Variants in SETBP1 observed in about 807,000 individuals in gnomAD.
SETBP1 encodes the protein SET binding protein 1, also known as SET-binding protein.
SETBP1 carries 9 observed loss-of-function variants against 101.0 expected under a neutral mutation model. That is an observed-to-expected ratio of 0.09 (90% CI 0.05 to 0.16). The LOEUF (loss-of-function observed/expected upper bound fraction) is 0.16. Among genes scored for constraint, SETBP1 ranks in the 10% least tolerant of loss-of-function variants. The pLI is 1.00. For missense variants in SETBP1, 1,858 were observed against 2,033.8 expected, an observed-to-expected ratio of 0.91 and a Z score of 1.66; for synonymous variants, 818 against 788.5, an observed-to-expected ratio of 1.04 and a Z score of -0.63.
chr18:44,909,956 ATTTCT>A (rs1407499526), intron 3 of SETBP1, among the ~76,000 whole-genome samples: 1 of 152,156 alleles, frequency 6.6e-6, no homozygotes, highest in East Asian at 1.9e-4. Context: ...GCCTAATTTC[ATTTCT>A]TCAAGGAAGC....
At chr18:45,009,035 C>T (rs1161722194) in intron 4 of SETBP1, among the ~76,000 whole-genome samples, 4 of 152,168 alleles carry the variant, frequency 2.6e-5, no homozygotes, top group Non-Finnish European at 5.9e-5. Flanking sequence ...CCACCGTGTG[C>T]TGTGGTGGCA....
chr18:45,028,387 C>T (rs1230159120), intron 4 of SETBP1, among the ~76,000 whole-genome samples: 1 of 152,048 alleles, frequency 6.6e-6, no homozygotes, highest in Admixed American at 6.6e-5. Flanking sequence ...ATATGTGCCA[C>T]ATTTTCTTAA....
At chr18:44,695,134 C>T (rs1286081600) in intron 1 of SETBP1, among the ~76,000 whole-genome samples, 2 of 151,612 alleles carry the variant, frequency 1.3e-5, no homozygotes, top group African/African-American at 4.9e-5. Flanking sequence ...TCCCACAAGG[C>T]AAAAGAAGGA....
At chr18:44,977,320 A>G (rs540602378) in intron 4 of SETBP1, among the ~76,000 whole-genome samples, 1 of 152,350 alleles carries the variant, frequency 6.6e-6, no homozygotes, top group East Asian at 1.9e-4. Flanking sequence ...AAAGGAGCAA[A>G]GAAGGGAGAG....
chr18:44,869,233 C>A lies in SETBP1; in HGVS notation c.490C>A (p.Leu164Ile). The A allele has an allele frequency of 6.2e-7, 1 of 1,614,062 alleles. No homozygotes were observed. The highest frequency in any genetic ancestry group is 8.5e-7 in the Non-Finnish European group (1 of 1,179,978). Residue 164 changes from leucine (L) to isoleucine (I), a missense_variant, in exon 3 of 6, where the codon CTC becomes ATC. Coordinates refer to ENST00000649279, the MANE Select transcript of SETBP1 (RefSeq NM_015559.3). ...AAATTTCTTTATTCTTTTGCAGCTC[C>A]TCACAGCCAGTGACCTTGCAGCCAG... Reference protein sequence around the residue: ...EERSHSKKKLLTASDLAASDL... With the variant: ...EERSHSKKKLITASDLAASDL...
chr18:44,969,530 AGGAGGGACTTTAG>A (rs1480505465), intron 4 of SETBP1, among the ~76,000 whole-genome samples: 1 of 152,202 alleles, frequency 6.6e-6, no homozygotes, highest in Non-Finnish European at 1.5e-5. Context: ...ATGCAAATAA[AGGAGGGACTTTAG>A]GTTGGGACCT....
intron 2 of SETBP1, among the ~76,000 whole-genome samples, chr18:44,771,763 C>A (rs1320206529): frequency 1.3e-5 from 2 of 152,114 alleles, no homozygotes; most frequent in Admixed American, 1.3e-4. Context: ...TTATCAAAAT[C>A]AACGTGGGTA....
At chr18:44,762,138 CT>C (rs55990761) in intron 2 of SETBP1, among the ~76,000 whole-genome samples, 50 of 149,306 alleles carry the variant, frequency 3.3e-4, no homozygotes, top group East Asian at 7.9e-4. Context: ...CTTCTAAACA[CT>C]TTTTTTTTTT....
intron 2 of SETBP1, among the ~76,000 whole-genome samples, chr18:44,720,006 C>T (rs1024370541): frequency 6.6e-6 from 1 of 152,182 alleles, no homozygotes; most frequent in Non-Finnish European, 1.5e-5. Flanking sequence ...CCTCATGATT[C>T]TCTGAGGACC....
At chr18:45,052,085 A>G (rs547253864) in intron 5 of SETBP1, among the ~76,000 whole-genome samples, 1 of 152,384 alleles carries the variant, frequency 6.6e-6, no homozygotes, top group African/African-American at 2.4e-5. Context: ...ACAACATTCC[A>G]TGCCCCGTAC....
intron 3 of SETBP1, among the ~76,000 whole-genome samples, chr18:44,935,846 C>T (rs2070944408): frequency 6.6e-6 from 1 of 152,170 alleles, no homozygotes; most frequent in Non-Finnish European, 1.5e-5. Context: ...GCCATGCATG[C>T]CCTGCCTTTC....
At chr18:44,944,126 G>A (rs920899692) in intron 3 of SETBP1, among the ~76,000 whole-genome samples, 2 of 152,088 alleles carry the variant, frequency 1.3e-5, no homozygotes, top group East Asian at 1.9e-4. Context: ...GAGCCACTGC[G>A]CCTGGCCTGT....
intron 2 of SETBP1, among the ~76,000 whole-genome samples, chr18:44,834,392 C>A (rs191833640): frequency 3.9e-5 from 6 of 152,084 alleles, no homozygotes; most frequent in Non-Finnish European, 7.4e-5. Flanking sequence ...TTGCTAAGTA[C>A]GTATGAACTA....
chr18:44,714,480 G>A (rs1300184040), intron 2 of SETBP1, among the ~76,000 whole-genome samples: 1 of 152,120 alleles, frequency 6.6e-6, no homozygotes, highest in Admixed American at 6.5e-5. Context: ...GGGATTACAG[G>A]CGTGAGCCAC....
chr18:44,860,862 A>C (rs929240348), intron 2 of SETBP1, among the ~76,000 whole-genome samples: 3 of 152,036 alleles, frequency 2.0e-5, no homozygotes, highest in Non-Finnish European at 2.9e-5. Context: ...TGTTCAATCC[A>C]CTCCTAGTAG....
intron 2 of SETBP1, among the ~76,000 whole-genome samples, chr18:44,732,294 A>T (rs1392105170): frequency 4.6e-5 from 7 of 152,154 alleles, no homozygotes; most frequent in Non-Finnish European, 1.5e-5. Flanking sequence ...GGGCTATGCA[A>T]TTGTATTTTC....
intron 3 of SETBP1, among the ~76,000 whole-genome samples, chr18:44,884,114 AT>A (rs2069588879): frequency 1.3e-5 from 2 of 152,222 alleles, no homozygotes; most frequent in South Asian, 4.1e-4. Context: ...TTTAAGTAGC[AT>A]CCAAAGGCAA....
chr18:44,867,275 G>A (rs1381429150), intron 2 of SETBP1, among the ~76,000 whole-genome samples: 4 of 152,230 alleles, frequency 2.6e-5, no homozygotes, highest in African/African-American at 9.6e-5. Context: ...AAGGTCGGCT[G>A]TGGCTGGCAC....
intron 2 of SETBP1, among the ~76,000 whole-genome samples, chr18:44,746,915 G>A (rs1351342329): frequency 6.6e-6 from 1 of 152,226 alleles, no homozygotes; most frequent in Admixed American, 6.5e-5. Context: ...TTCAGGTAAA[G>A]GTGAGGAACA....
Sources: gnomAD v4.1 joint callset for allele counts (sites outside exome capture counted in the v4.1 genomes callset) on GRCh38, gnomAD v4.1.1 for gene constraint, MANE v1.5 for transcripts, NCBI Gene and HGNC (gene_info 2026-07-23, HGNC 2026-07-21) for gene names.